Variants in FHIP1A observed in about 807,000 individuals in gnomAD.
The protein encoded by FHIP1A is FHF complex subunit HOOK-interacting protein 1A.
Under a neutral mutation model 88.6 loss-of-function variants are expected in FHIP1A, and 61 were observed. The observed-to-expected ratio is 0.69, with a 90% CI of 0.56 to 0.85. The LOEUF is 0.85. Among genes scored for constraint, FHIP1A ranks in the 40% least tolerant of loss-of-function variants. The probability of loss-of-function intolerance (pLI) is 0.00; values close to 1 mark genes in which losing one functional copy is unlikely to be tolerated. For missense variants in FHIP1A, 1,154 were observed against 1,273.5 expected, an observed-to-expected ratio of 0.91 and a Z score of 1.43; for synonymous variants, 478 against 496.0, an observed-to-expected ratio of 0.96 and a Z score of 0.48.
At chr4:151,552,688 T>TGG (rs1732788941) in intron 3 of FHIP1A, among the ~76,000 whole-genome samples, 1 of 151,248 alleles carries the variant, frequency 6.6e-6, no homozygotes, top group Non-Finnish European at 1.5e-5. Context: ...GGTGGGAGGA[T>TGG]GGGGGAGGGA....
intron 3 of FHIP1A, among the ~76,000 whole-genome samples, chr4:151,550,683 C>G (rs552525720): frequency 6.6e-6 from 1 of 152,316 alleles, no homozygotes; most frequent in Non-Finnish European, 1.5e-5. Flanking sequence ...TTCCCTCTCT[C>G]TAAGTGTCTT....
intron 3 of FHIP1A, among the ~76,000 whole-genome samples, chr4:151,543,034 C>T (rs1399783516): frequency 1.3e-5 from 2 of 152,112 alleles, no homozygotes; most frequent in African/African-American, 4.8e-5. Flanking sequence ...TATGTTAGCA[C>T]TTATGTATTG....
chr4:151,657,668 T>A (rs1016852904), intron 13 of FHIP1A, among the ~76,000 whole-genome samples: 4 of 152,234 alleles, frequency 2.6e-5, no homozygotes, highest in Non-Finnish European at 4.4e-5. Flanking sequence ...CACTGGCTTT[T>A]ACTTTTCCAC....
At chr4:151,484,220 A>G (rs879631557) in intron 3 of FHIP1A, among the ~76,000 whole-genome samples, 4 of 152,212 alleles carry the variant, frequency 2.6e-5, no homozygotes, top group Admixed American at 2.6e-4. Flanking sequence ...TCCTGGGGAT[A>G]ACCTATAGTC....
chr4:151,525,659 C>A (rs148361172), intron 3 of FHIP1A, among the ~76,000 whole-genome samples: 84 of 151,782 alleles, frequency 5.5e-4, no homozygotes, highest in African/African-American at 1.9e-3. Flanking sequence ...TTTATTCTTT[C>A]CATTTAATCA....
chr4:151,638,699 T>C lies in FHIP1A; in HGVS notation c.1169T>C (p.Leu390Ser). Residue 390 changes from leucine (L) to serine (S), a missense_variant, in exon 9 of 14, where the codon TTA (leucine) becomes TCA (serine). Leu to Ser is a moderately radical substitution (Grantham distance 145). Coordinates refer to ENST00000435205, the MANE Select transcript of FHIP1A (RefSeq NM_001109977.3). ...CAGCTTTGTGTGGTGTCTCTGGCAT[T>C]ATTCAGAACTCTCATTGGTTTACAT... ...PFRLCVVSLA[L>S]FRTLIGLHCE... 6.5e-7 allele frequency: 1 copy of C among 1,550,210 alleles called. No individual in the cohort carries two copies. The highest frequency in any genetic ancestry group is 8.7e-7 in the Non-Finnish European group (1 of 1,145,992).
At chr4:151,648,522 G>T (rs763645009) in intron 10 of FHIP1A, among the ~76,000 whole-genome samples, 6 of 152,072 alleles carry the variant, frequency 3.9e-5, no homozygotes, top group African/African-American at 1.4e-4. Context: ...ATGAAGAGAC[G>T]TGAGGCTTGC....
At chr4:151,561,374 G>T (rs545932937) in intron 3 of FHIP1A, among the ~76,000 whole-genome samples, 3 of 152,100 alleles carry the variant, frequency 2.0e-5, no homozygotes, top group African/African-American at 7.2e-5. Context: ...TTTATTTTTC[G>T]CAGTCCAGCA....
intron 2 of FHIP1A, among the ~76,000 whole-genome samples, chr4:151,463,910 G>C (rs75149136): frequency 6.6e-6 from 1 of 152,066 alleles, no homozygotes; most frequent in African/African-American, 2.4e-5. Context: ...ACTGCCCTTG[G>C]TGAATTTGGA....
intron 7 of FHIP1A, among the ~76,000 whole-genome samples, chr4:151,624,601 A>G (rs1207416187): frequency 6.6e-6 from 1 of 152,190 alleles, no homozygotes; most frequent in Admixed American, 6.5e-5. Flanking sequence ...AAAAGGGCAG[A>G]GATTGGCTTT....
chr4:151,465,741 C>G (rs1057419196), intron 2 of FHIP1A, among the ~76,000 whole-genome samples: 1 of 152,104 alleles, frequency 6.6e-6, no homozygotes, highest in Non-Finnish European at 1.5e-5. Flanking sequence ...ATAAAAGTAA[C>G]CCATCACATA....
Position 151,535,496 on chromosome 4 carries a change from T to A in FHIP1A, c.-122-30642T>A, listed in dbSNP as rs72728165. Among the ~76,000 whole-genome samples the A allele has an allele frequency of 8.5e-3, 1,294 of 152,368 alleles. 10 individuals carry two copies. Among genetic ancestry groups the A allele is most frequent in the Non-Finnish European group, 0.014 (980 of 68,028 alleles). ...AGGAACCATTATTGACATTTCCAGT[T>A]ATGTCCTTCTGGAATTTACACTATA... On this transcript the variant is annotated intron_variant, in intron 3 of 13. Coordinates refer to ENST00000435205, the MANE Select transcript of FHIP1A (RefSeq NM_001109977.3).
chr4:151,642,660 C>T (rs1736631195), intron 9 of FHIP1A, among the ~76,000 whole-genome samples: 1 of 152,094 alleles, frequency 6.6e-6, no homozygotes, highest in Non-Finnish European at 1.5e-5. Context: ...GCTCATCGTA[C>T]TTCACTGCCT....
rs1450572169 is a variant in FHIP1A at position 151,616,472 on chromosome 4, G to A, written c.979-13230G>A. Among the ~76,000 whole-genome samples the A allele has an allele frequency of 4.2e-5, 5 of 119,224 alleles. No individual in the cohort carries two copies. In the South Asian group the frequency reaches 1.4e-3, roughly 32 times the overall value. The allele number at this position is 119,224 out of a possible 152,430, so 78.2% of individuals were successfully genotyped here. A position where few individuals can be genotyped will look rare whatever the true frequency, so the allele number is the denominator to read the frequency against. On this transcript the variant is annotated intron_variant, in intron 7 of 13. Transcript: ENST00000435205. ...TTTTTTTTTTTTTTTTTTTTGAGAC[G>A]GAGTCTCACTCTGTCACCCAGGCTG...
At chr4:151,639,684 C>G (rs1736495929) in intron 9 of FHIP1A, among the ~76,000 whole-genome samples, 1 of 152,138 alleles carries the variant, frequency 6.6e-6, no homozygotes, top group Non-Finnish European at 1.5e-5. Context: ...AGAATGTGGC[C>G]CCAAAGCTGA....
At chr4:151,436,581 C>A (rs1728210177) in intron 1 of FHIP1A, 1 of 152,106 alleles carries the variant, frequency 6.6e-6, no homozygotes, top group African/African-American at 2.4e-5. Flanking sequence ...CTGTGGTCAT[C>A]CCTCGGTATC....
At chr4:151,638,319 G>GTGTGTGTGTGTGTGTGTT (rs1736437416) in intron 8 of FHIP1A, among the ~76,000 whole-genome samples, 1 of 150,482 alleles carries the variant, frequency 6.6e-6, no homozygotes, top group Non-Finnish European at 1.5e-5. Flanking sequence ...AGGAGATTGT[G>GTGTGTGTGTGTGTGTGTT]TGTGTGTGTG....
intron 7 of FHIP1A, among the ~76,000 whole-genome samples, chr4:151,627,667 G>C (rs1388061252): frequency 6.6e-6 from 1 of 152,202 alleles, no homozygotes; most frequent in Non-Finnish European, 1.5e-5. Flanking sequence ...GTGGATGTGA[G>C]CTAATGTAGG....
intron 3 of FHIP1A, among the ~76,000 whole-genome samples, chr4:151,521,402 T>TG (rs1473314907): frequency 6.6e-6 from 1 of 152,230 alleles, no homozygotes; most frequent in Non-Finnish European, 1.5e-5. Context: ...GAGGTTTTCT[T>TG]GCATTTACCA....
Sources: gnomAD v4.1 joint callset for allele counts (sites outside exome capture counted in the v4.1 genomes callset) on GRCh38, gnomAD v4.1.1 for gene constraint, MANE v1.5 for transcripts, NCBI Gene and HGNC (gene_info 2026-07-23, HGNC 2026-07-21) for gene names.